PDS5B: variants seen among roughly 807,000 people sequenced by gnomAD.
PDS5B encodes the protein PDS5 cohesin associated factor B.
A neutral mutation model predicts 184.1 loss-of-function variants in PDS5B; 51 were observed. That is an observed-to-expected ratio of 0.28 (90% confidence interval 0.22 to 0.35). The LOEUF is 0.35. PDS5B is among the 10% of genes least tolerant of loss of function. The pLI is 1.00. For missense variants in PDS5B, 1,180 were observed against 1,723.3 expected (o/e 0.68, Z 5.58); for synonymous variants, 566 against 569.2 (o/e 0.99, Z 0.08).
intron 1 of PDS5B, among the ~76,000 whole-genome samples, chr13:32,619,707 A>T (rs2058268665): frequency 1.3e-5 from 2 of 152,198 alleles, no homozygotes; most frequent in South Asian, 4.1e-4. Context: ...TTATGAGACC[A>T]CCGTTATATA....
At chr13:32,692,987 A>C (rs1415176720) in intron 13 of PDS5B, among the ~76,000 whole-genome samples, 1 of 152,004 alleles carries the variant, frequency 6.6e-6, no homozygotes, top group Non-Finnish European at 1.5e-5. Context: ...TTTCCCTTTT[A>C]TTTTAAGTGA....
chr13:32,661,872 A>G (rs539302339), intron 6 of PDS5B, among the ~76,000 whole-genome samples: 1 of 152,316 alleles, frequency 6.6e-6, no homozygotes, highest in East Asian at 1.9e-4. Flanking sequence ...TATGTAAAAT[A>G]GAGTGGTTTA....
chr13:32,756,344 A>G (rs1954178550), intron 26 of PDS5B, among the ~76,000 whole-genome samples: 2 of 152,168 alleles, frequency 1.3e-5, no homozygotes, highest in African/African-American at 2.4e-5. Context: ...CTTTGCAATA[A>G]CTATCTTCCT....
At chr13:32,621,011 A>C (rs539985675) in intron 1 of PDS5B, among the ~76,000 whole-genome samples, 1 of 152,378 alleles carries the variant, frequency 6.6e-6, no homozygotes, top group South Asian at 2.1e-4. Flanking sequence ...TTATGGCTAT[A>C]ATGGAAAAAC....
At chr13:32,760,878 T>C (rs1030702960) in intron 30 of PDS5B, among the ~76,000 whole-genome samples, 158 bp downstream of exon 30, 7 of 152,264 alleles carry the variant, frequency 4.6e-5, no homozygotes, top group Non-Finnish European at 8.8e-5. Flanking sequence ...TTCATACTTA[T>C]TTGCTTGCTC....
At chr13:32,715,351 A>C (rs890354528) in intron 19 of PDS5B, among the ~76,000 whole-genome samples, 9 of 152,224 alleles carry the variant, frequency 5.9e-5, no homozygotes, top group Non-Finnish European at 1.3e-4. Context: ...TACCCTGTCT[A>C]CATAGTTTTA....
chr13:32,653,560 G>A (rs978377380), intron 3 of PDS5B, among the ~76,000 whole-genome samples: 1 of 152,136 alleles, frequency 6.6e-6, no homozygotes, highest in African/African-American at 2.4e-5. Context: ...TGTGCAACCT[G>A]TTTTGGGCAT....
intron 19 of PDS5B, among the ~76,000 whole-genome samples, chr13:32,726,476 A>C (rs952737212): frequency 2.0e-5 from 3 of 152,200 alleles, no homozygotes; most frequent in Non-Finnish European, 2.9e-5. Context: ...GAGTAAATGC[A>C]TGTACAATTT....
Position 32,606,230 on chromosome 13 carries a change from C to T in PDS5B, c.-20+19637C>T, listed in dbSNP as rs533038212. ...TGGTTGTTCCTTTCCAGATTTAGTG[C>T]TTCCTTCAGGAGCTCTTGTACGGCA... On this transcript the variant is annotated intron_variant, in intron 1 of 34. Transcript: ENST00000315596. Among the ~76,000 whole-genome samples, 5 of 152,284 alleles carry T rather than the reference C, an allele frequency of 3.3e-5. No homozygotes were observed. In the South Asian group the frequency reaches 1.0e-3, roughly 32 times the overall value.
intron 6 of PDS5B, among the ~76,000 whole-genome samples, chr13:32,663,487 A>G (rs1239884295): frequency 5.3e-5 from 8 of 152,220 alleles, no homozygotes; most frequent in Admixed American, 5.2e-4. Flanking sequence ...TTAATAGATC[A>G]AAGAGAAAGA....
Position 32,758,139 on chromosome 13 carries a change from C to G in PDS5B, c.3109C>G (p.His1037Asp). The change falls in exon 27 of 35, where the codon CAC (histidine) becomes GAC (aspartate). Residue 1037 changes from histidine to aspartate, a missense_variant. Transcript: ENST00000315596. Reference protein sequence around the residue: ...ILMAKNENNSHAFIRKMVENI... With the variant: ...ILMAKNENNSDAFIRKMVENI... Reference sequence around the variant, plus strand: ...AATGGCTAAAAATGAAAATAACAGTCACGCTTTTATCAGAAAGATGGTAGA... The same window carrying G: ...AATGGCTAAAAATGAAAATAACAGTGACGCTTTTATCAGAAAGATGGTAGA... The G allele has an allele frequency of 6.5e-7, 1 of 1,532,340 alleles. No homozygotes were observed. The highest frequency in any genetic ancestry group is 8.9e-7 in the Non-Finnish European group (1 of 1,124,164). The allele number at this position is 1,532,340 out of a possible 1,614,324, so 94.9% of individuals were successfully genotyped here.
intron 1 of PDS5B, among the ~76,000 whole-genome samples, chr13:32,638,660 GTATC>G (rs947520561): frequency 1.5e-5 from 2 of 135,480 alleles, no homozygotes; most frequent in Non-Finnish European, 1.6e-5. Context: ...TGCTGAGAGA[GTATC>G]TAGTAGACAC....
At chr13:32,594,341 G>A (rs2057823538) in intron 1 of PDS5B, among the ~76,000 whole-genome samples, 1 of 152,200 alleles carries the variant, frequency 6.6e-6, no homozygotes, top group South Asian at 2.1e-4. Flanking sequence ...CTGAATGGAT[G>A]TTTGCATACT....
At position 32,741,162 on chromosome 13, in the gene PDS5B, A is replaced by T; in HGVS notation, c.2475+14A>T. Reference sequence around the variant, plus strand: ...ACAATGGTCAAAGTGAGTAATGTGCATAGATCTATTGATTTTAATATAATC... The same window carrying T: ...ACAATGGTCAAAGTGAGTAATGTGCTTAGATCTATTGATTTTAATATAATC... On this transcript the variant is annotated intron_variant, in intron 22 of 34. Coordinates refer to ENST00000315596, the MANE Select transcript of PDS5B (RefSeq NM_015032.4). 7.4e-7 allele frequency: 1 copy of T among 1,349,698 alleles called. No individual in the cohort carries two copies. Among genetic ancestry groups the T allele is most frequent in the Non-Finnish European group, 1.0e-6 (1 of 957,260 alleles). 83.6% of individuals were successfully genotyped at this position (1,349,698 alleles called of 1,614,324 possible).
rs185032294 is a variant in PDS5B, at chr13:32,721,813, G to C, written c.2124-10288G>C. ...CCCAGACAATGGGCAGCCAGGCAGA[G>C]ACACTCCTCACTTCCTAGACGGGAT... is the stretch of plus-strand genomic sequence containing the variant. On this transcript the variant is annotated intron_variant, in intron 19 of 34. Transcript: ENST00000315596. Among the ~76,000 whole-genome samples the C allele has an allele frequency of 8.0e-3, 1,211 of 151,602 alleles. 17 individuals are homozygous for C. The highest frequency in any genetic ancestry group is 0.028 in the African/African-American group (1,142 of 41,188).
chr13:32,738,213 A>G, intron 21 of PDS5B, among the ~76,000 whole-genome samples: 1 of 152,188 alleles, frequency 6.6e-6, no homozygotes. Flanking sequence ...TATGAGCAAG[A>G]ATTTCTCTAG....
chr13:32,759,672 AT>A lies in PDS5B; in HGVS notation c.3359del (p.Phe1120SerfsTer12). 4 of 1,558,304 alleles carry A rather than the reference AT, an allele frequency of 2.6e-6. No homozygotes were observed. The highest frequency in any genetic ancestry group is 1.8e-6 in the Non-Finnish European group (2 of 1,138,648). On this transcript the variant is annotated frameshift_variant, in exon 29 of 35. Transcript: ENST00000315596. LOFTEE classifies it high-confidence loss of function. ...ATTATCTGCCTCCTGAAATGAAATC[AT>A]TTTTCACTCCTGGAAAAGTATGTTT... Reference protein sequence around the residue: ...KNYLPPEMKSFFTPGKPKTTN... With the variant: ...KNYLPPEMKSXFTPGKPKTTN...
In PDS5B at chr13:32,770,423, A is replaced by G. The variant is rs768844149; in HGVS notation, c.3927A>G (p.Lys1309=). 6 of 1,613,474 alleles carry G rather than the reference A, an allele frequency of 3.7e-6. No homozygotes were observed. In the African/African-American group the frequency reaches 8.0e-5, roughly 22 times the overall value. ...GGTPKEEPTM[K]TSKKGSKKKS... Reference sequence around the variant, plus strand: ...CACCAAAAGAAGAGCCAACAATGAAAACTTCTAAAAAAGGAAGCAAAAAAA... The same window carrying G: ...CACCAAAAGAAGAGCCAACAATGAAGACTTCTAAAAAAGGAAGCAAAAAAA... Residue 1309 remains lysine, a synonymous_variant, in exon 32 of 35, where the codon AAA becomes AAG. Transcript: ENST00000315596.
chr13:32,721,308 GAACCCCCCACCTCCCAGA>G lies in PDS5B; in HGVS notation c.2124-10792_2124-10775del, dbSNP rs1952677409. On this transcript the variant is annotated intron_variant, in intron 19 of 34. Transcript: ENST00000315596. ...CAGACGGGGTGGCTGCCGGGCGGGG[GAACCCCCCACCTCCCAGA>G]CGGGGCGGCTGCCGGGCGAGGGCTC... 2.0e-5 allele frequency among the ~76,000 whole-genome samples: 3 copies of G among 151,186 alleles called. No homozygotes were observed. The East Asian group carries it at 6.0e-4, about 30-fold the overall frequency.
Sources: allele counts gnomAD v4.1 joint callset (sites outside exome capture counted in the v4.1 genomes callset), GRCh38; gene constraint gnomAD v4.1.1; transcripts MANE v1.5; gene names NCBI Gene and HGNC (gene_info 2026-07-23, HGNC 2026-07-21).